ITGA8: variants seen among roughly 807,000 people sequenced by gnomAD.
ITGA8 encodes integrin alpha-8.
ITGA8 carries 91 observed loss-of-function variants against 142.3 expected under a neutral mutation model. That is an observed-to-expected ratio of 0.64 (90% CI 0.54 to 0.76). ITGA8 has a LOEUF of 0.76. ITGA8 is among the 30% of genes least tolerant of loss of function. ITGA8 has a pLI of 0.00. For synonymous variants in ITGA8, 505 were observed against 485.2 expected (o/e 1.04, Z -0.54); for missense variants, 1,406 against 1,327.7 (o/e 1.06, Z -0.92).
chr10:15,718,639 G>A (rs1207946009), intron 2 of ITGA8, 127 bp downstream of exon 2: 1 of 1,184,648 alleles, frequency 8.4e-7, no homozygotes, highest in Non-Finnish European at 1.2e-6. Context: ...GACCCACATA[G>A]CCCACAATAC....
At chr10:15,608,811 C>T (rs1833244123) in intron 15 of ITGA8, among the ~76,000 whole-genome samples, 2 of 152,006 alleles carry the variant, frequency 1.3e-5, no homozygotes, top group African/African-American at 4.8e-5. Flanking sequence ...CTAAAAAATG[C>T]AGATTTAATC....
chr10:15,669,098 A>G (rs1192490820), intron 8 of ITGA8, among the ~76,000 whole-genome samples: 1 of 152,142 alleles, frequency 6.6e-6, no homozygotes, highest in Non-Finnish European at 1.5e-5. Context: ...CTCCTGGGTA[A>G]TATCCTGCAG....
chr10:15,525,898 T>C (rs1265241820), intron 28 of ITGA8, among the ~76,000 whole-genome samples: 1 of 152,186 alleles, frequency 6.6e-6, no homozygotes, highest in African/African-American at 2.4e-5. Flanking sequence ...AAATCCAATA[T>C]GTATTTCACA....
chr10:15,647,449 G>GTTTTTTT (rs71505078), intron 11 of ITGA8, among the ~76,000 whole-genome samples: 23 of 91,508 alleles, frequency 2.5e-4, no homozygotes, highest in Non-Finnish European at 3.7e-4. Context: ...AAATTATTCA[G>GTTTTTTT]TTTTTTTTTT....
intron 8 of ITGA8, among the ~76,000 whole-genome samples, chr10:15,669,801 A>T (rs1834473568): frequency 6.6e-6 from 1 of 152,200 alleles, no homozygotes; most frequent in Admixed American, 6.5e-5. Flanking sequence ...TTTCCTGGGT[A>T]TCAGCAGCAG....
At chr10:15,671,709 C>G in intron 7 of ITGA8, 62 bp from the exon 8 acceptor site, 1 of 1,348,164 alleles carries the variant, frequency 7.4e-7, no homozygotes, top group African/African-American at 1.4e-5. Flanking sequence ...TGAGTTATAT[C>G]TAGAAAAAGG....
intron 20 of ITGA8, 93 bp from the exon 21 acceptor site, chr10:15,597,392 T>G: frequency 1.1e-6 from 1 of 947,462 alleles, no homozygotes; most frequent in Admixed American, 1.8e-5. Flanking sequence ...CCCCTGGATC[T>G]CAAACACCCA....
At chr10:15,688,971 A>G (rs1020577236) in intron 2 of ITGA8, among the ~76,000 whole-genome samples, 7 of 152,232 alleles carry the variant, frequency 4.6e-5, no homozygotes, top group African/African-American at 1.7e-4. Context: ...CATTCAACAT[A>G]GAACTTTTAA....
intron 19 of ITGA8, among the ~76,000 whole-genome samples, chr10:15,605,384 TG>T (rs998897958): frequency 6.6e-6 from 1 of 152,158 alleles, no homozygotes; most frequent in African/African-American, 2.4e-5. Flanking sequence ...AAGGTGTAGA[TG>T]GAACCTGCCT....
chr10:15,682,383 C>T (rs1026340521), intron 4 of ITGA8, among the ~76,000 whole-genome samples: 2 of 152,064 alleles, frequency 1.3e-5, no homozygotes, highest in African/African-American at 4.8e-5. Flanking sequence ...ATAATTGAGT[C>T]CCATGAACTA....
At chr10:15,528,506 CTT>C (rs35960573) in intron 28 of ITGA8, among the ~76,000 whole-genome samples, 38,400 of 127,128 alleles carry the variant, frequency 0.3, 4,957 homozygotes, top group African/African-American at 0.38. Context: ...GATAAAAAGT[CTT>C]TTTTTTTTTT....
intron 23 of ITGA8, among the ~76,000 whole-genome samples, chr10:15,576,875 T>C (rs1479663387): frequency 2.0e-5 from 3 of 152,212 alleles, no homozygotes; most frequent in Admixed American, 1.3e-4. Flanking sequence ...TACTGTGCAA[T>C]GTTAAGAAGA....
At chr10:15,522,385 C>G (rs918688326) in intron 28 of ITGA8, among the ~76,000 whole-genome samples, 1 of 152,104 alleles carries the variant, frequency 6.6e-6, no homozygotes, top group Non-Finnish European at 1.5e-5. Flanking sequence ...CTCAGAGGAA[C>G]AGCATGAAGT....
intron 11 of ITGA8, among the ~76,000 whole-genome samples, chr10:15,648,717 T>G (rs1272195760): frequency 6.6e-6 from 1 of 152,078 alleles, no homozygotes; most frequent in Non-Finnish European, 1.5e-5. Context: ...TACAAGACAC[T>G]CCAACATCAC....
chr10:15,672,897 G>C, intron 6 of ITGA8, 148 bp from the exon 7 acceptor site: 1 of 788,010 alleles, frequency 1.3e-6, no homozygotes, highest in African/African-American at 1.8e-5. Context: ...CTCCAAGGCA[G>C]AGTTAGTTAC....
At chr10:15,593,839 A>AT (rs35907545) in intron 21 of ITGA8, among the ~76,000 whole-genome samples, 4,500 of 137,242 alleles carry the variant, frequency 0.033, 100 homozygotes, top group African/African-American at 0.042. Flanking sequence ...CCCAGCAAAG[A>AT]TTTTTTTTTT....
At chr10:15,535,124 C>T (rs1833398386) in intron 27 of ITGA8, among the ~76,000 whole-genome samples, 1 of 152,150 alleles carries the variant, frequency 6.6e-6, no homozygotes, top group Non-Finnish European at 1.5e-5. Flanking sequence ...CAGTGCCGGC[C>T]CACCGGTGCT....
intron 24 of ITGA8, among the ~76,000 whole-genome samples, chr10:15,574,669 G>A (rs991127250): frequency 1.5e-4 from 23 of 151,688 alleles, no homozygotes; most frequent in African/African-American, 5.1e-4. Flanking sequence ...GATTACAGGC[G>A]TGAGCCACCA....
chr10:15,557,976 A>G, intron 26 of ITGA8, 98 bp downstream of exon 26: 1 of 1,437,422 alleles, frequency 7.0e-7, no homozygotes, highest in Non-Finnish European at 9.6e-7. Flanking sequence ...GCACTGAAGG[A>G]GACCAAGAAC....
Sources: gnomAD v4.1 joint callset for allele counts (sites outside exome capture counted in the v4.1 genomes callset) on GRCh38, gnomAD v4.1.1 for gene constraint, MANE v1.5 for transcripts, NCBI Gene and HGNC (gene_info 2026-07-23, HGNC 2026-07-21) for gene names.